Variants in TSHZ2 observed in about 807,000 individuals in gnomAD.
The protein encoded by TSHZ2 is teashirt zinc finger homeobox 2, also known as teashirt homolog 2.
In TSHZ2, 21 loss-of-function variants were observed where a neutral mutation model predicts 74.4. That is an observed-to-expected ratio of 0.28 (90% CI 0.20 to 0.41). TSHZ2 has a LOEUF of 0.41. TSHZ2 is among the 10% of genes least tolerant of loss of function. TSHZ2 has a pLI of 1.00. For synonymous variants in TSHZ2, 540 were observed against 515.3 expected (o/e 1.05, Z -0.65); for missense variants, 1,244 against 1,293.5 (o/e 0.96, Z 0.59).
intron 2 of TSHZ2, among the ~76,000 whole-genome samples, chr20:53,280,906 G>A (rs11907390): frequency 0.14 from 21,638 of 152,010 alleles, 1,869 homozygotes; most frequent in African/African-American, 0.23. Context: ...GTTAACCAGG[G>A]TGGTCTCGAT....
At chr20:53,231,274 A>G (rs534236780) in intron 1 of TSHZ2, among the ~76,000 whole-genome samples, 6 of 152,370 alleles carry the variant, frequency 3.9e-5, no homozygotes, top group African/African-American at 1.4e-4. Context: ...TCCTGCATAT[A>G]CAAATCATTG....
intron 1 of TSHZ2, among the ~76,000 whole-genome samples, chr20:53,019,292 G>C (rs1420812215): frequency 2.0e-5 from 3 of 151,748 alleles, no homozygotes; most frequent in African/African-American, 4.8e-5. Context: ...TAAATTTCAG[G>C]GTATTTTATA....
At chr20:53,143,739 T>A (rs971123636) in intron 1 of TSHZ2, among the ~76,000 whole-genome samples, 1 of 152,032 alleles carries the variant, frequency 6.6e-6, no homozygotes, top group African/African-American at 2.4e-5. Context: ...ATTGTAATAA[T>A]CTTGACTTAG....
chr20:53,436,470 G>A (rs558120657), intron 2 of TSHZ2, among the ~76,000 whole-genome samples: 3 of 151,468 alleles, frequency 2.0e-5, no homozygotes, highest in South Asian at 4.2e-4. Context: ...AGCCGTGGAC[G>A]ACGTACCTAG....
rs561849899 is a variant in TSHZ2, at chr20:53,250,835, GA to G, written c.41-2648del. Among the ~76,000 whole-genome samples, 807 of 125,744 alleles carry G rather than the reference GA, an allele frequency of 6.4e-3. 4 individuals are homozygous for G. The highest frequency in any genetic ancestry group is 0.013 in the African/African-American group (442 of 34,188). The allele number at this position is 125,744 out of a possible 152,430, so 82.5% of individuals were successfully genotyped here. ...AAGCTCTGCTTCCAAATGTCAGTGG[GA>G]AAAAAAAAAAAAAAAGAACACTTCT... On this transcript the variant is annotated intron_variant, in intron 1 of 2. Transcript: ENST00000371497.
chr20:53,455,645 G>A (rs1218229165), intron 2 of TSHZ2, among the ~76,000 whole-genome samples: 1 of 151,922 alleles, frequency 6.6e-6, no homozygotes, highest in Non-Finnish European at 1.5e-5. Context: ...CATGTGCCAT[G>A]CTGGTGTGCT....
chr20:53,215,364 T>G (rs1989411643), intron 1 of TSHZ2, among the ~76,000 whole-genome samples: 1 of 152,004 alleles, frequency 6.6e-6, no homozygotes, highest in Admixed American at 6.6e-5. Flanking sequence ...CACCACACCC[T>G]TCCACTGTCT....
At chr20:53,071,529 T>C (rs2123198147) in intron 1 of TSHZ2, among the ~76,000 whole-genome samples, 1 of 152,348 alleles carries the variant, frequency 6.6e-6, no homozygotes, top group East Asian at 1.9e-4. Flanking sequence ...TTCCTGTTCA[T>C]GGGTCTGATG....
In TSHZ2 at chr20:53,352,789, AAAAAAG is replaced by A. The variant is rs1202265968; in HGVS notation, c.*8+96222_*8+96227del. ...GATCTGTCTCAAACAAAAAAAAAAA[AAAAAAG>A]AAAGAAATAAGATGAGAATTTTAGG... is the stretch of plus-strand genomic sequence containing the variant. On this transcript the variant is annotated intron_variant, in intron 2 of 2. Transcript: ENST00000371497. Among the ~76,000 whole-genome samples the A allele has an allele frequency of 3.6e-3, 502 of 140,218 alleles. 4 individuals carry two copies. The highest frequency in any genetic ancestry group is 0.013 in the African/African-American group (466 of 36,196). 92.0% of individuals were successfully genotyped at this position (140,218 alleles called of 152,430 possible). A position where few individuals can be genotyped will look rare whatever the true frequency, so the allele number is the denominator to read the frequency against.
chr20:53,011,783 G>A (rs561448105), intron 1 of TSHZ2, among the ~76,000 whole-genome samples: 17 of 152,204 alleles, frequency 1.1e-4, no homozygotes, highest in Non-Finnish European at 1.6e-4. Flanking sequence ...TGGGAAAATC[G>A]AACAACCCCA....
intron 1 of TSHZ2, among the ~76,000 whole-genome samples, chr20:53,245,774 C>G (rs1160567963): frequency 1.3e-5 from 2 of 152,162 alleles, no homozygotes; most frequent in South Asian, 4.2e-4. Context: ...CTGATAGGAC[C>G]CTTTCAGTCA....
At chr20:53,267,074 G>A (rs1362389346) in intron 2 of TSHZ2, among the ~76,000 whole-genome samples, 4 of 152,114 alleles carry the variant, frequency 2.6e-5, no homozygotes, top group African/African-American at 4.8e-5. Flanking sequence ...CACCACGCCC[G>A]GCCTCGATGA....
At position 53,188,386 on chromosome 20, in the gene TSHZ2, G is replaced by T. The variant is rs146649116; in HGVS notation, c.41-65113G>T. 3.1e-3 allele frequency among the ~76,000 whole-genome samples: 468 copies of T among 152,274 alleles called. 1 individual carries two copies. Among genetic ancestry groups the T allele is most frequent in the Non-Finnish European group, 5.2e-3 (356 of 68,030 alleles). On this transcript the variant is annotated intron_variant, in intron 1 of 2. Coordinates refer to ENST00000371497, the MANE Select transcript of TSHZ2 (RefSeq NM_173485.6). ...GTTCACCAGGTTTTCAATGTTCAGT[G>T]TAAAATCTACATTGGACTAGAGATA...
chr20:53,490,142 C>G lies in TSHZ2; in HGVS notation c.*3007C>G, dbSNP rs1328703653. 2 of 152,202 alleles carry G rather than the reference C, an allele frequency of 1.3e-5. No homozygotes were observed. Among genetic ancestry groups the G allele is most frequent in the Admixed American group, 1.3e-4 (2 of 15,274 alleles). 9.4% of individuals were successfully genotyped at this position (152,202 alleles called of 1,614,324 possible). On this transcript the variant is annotated 3_prime_UTR_variant, in exon 3 of 3. Coordinates refer to ENST00000371497, the MANE Select transcript of TSHZ2 (RefSeq NM_173485.6). The stretch of plus-strand genomic sequence containing the variant: ...CCTTCCAGCTAAGACCACCAACCAG[C>G]TGCAAATTGAGATGTCCATTTAAAA...
chr20:53,122,274 T>A (rs1255971118), intron 1 of TSHZ2, among the ~76,000 whole-genome samples: 1 of 137,564 alleles, frequency 7.3e-6, no homozygotes, highest in African/African-American at 2.7e-5. Context: ...GGTGACAGAG[T>A]GAGACCCCAT....
At chr20:53,095,884 A>G (rs553191205) in intron 1 of TSHZ2, among the ~76,000 whole-genome samples, 4 of 152,216 alleles carry the variant, frequency 2.6e-5, no homozygotes, top group African/African-American at 7.2e-5. Context: ...TCACCTCACA[A>G]TTCACCAGGG....
At chr20:53,033,429 A>G (rs1387380968) in intron 1 of TSHZ2, among the ~76,000 whole-genome samples, 11 of 152,136 alleles carry the variant, frequency 7.2e-5, no homozygotes, top group Non-Finnish European at 1.3e-4. Flanking sequence ...TCTACCAGTG[A>G]CTACCTATGT....
chr20:53,118,301 A>C (rs1487235690), intron 1 of TSHZ2, among the ~76,000 whole-genome samples: 1 of 152,198 alleles, frequency 6.6e-6, no homozygotes, highest in Non-Finnish European at 1.5e-5. Context: ...AGAAGAGTTA[A>C]AATATGACCC....
At chr20:53,113,126 G>T (rs1367318870) in intron 1 of TSHZ2, among the ~76,000 whole-genome samples, 1 of 152,222 alleles carries the variant, frequency 6.6e-6, no homozygotes, top group Non-Finnish European at 1.5e-5. Context: ...TGCAGAAGAA[G>T]TCAGGTGTCA....
Sources: allele counts gnomAD v4.1 joint callset (sites outside exome capture counted in the v4.1 genomes callset), GRCh38; gene constraint gnomAD v4.1.1; transcripts MANE v1.5; gene names NCBI Gene and HGNC (gene_info 2026-07-23, HGNC 2026-07-21).